The following ME1 variants were observed in gnomAD, a reference collection of about 807,000 sequenced individuals.
The protein encoded by ME1 is malic enzyme 1, also known as NADP-dependent malic enzyme.
ME1 carries 74 observed loss-of-function variants against 66.4 expected under a neutral mutation model. That is an observed-to-expected ratio of 1.11 (90% confidence interval 0.92 to 1.35). The LOEUF (loss-of-function observed/expected upper bound fraction) is 1.35. Ranked by LOEUF, ME1 falls within the 40% of genes most tolerant of loss-of-function variation. The pLI is 0.00. For synonymous variants in ME1, 251 were observed against 235.6 expected (o/e 1.07, Z -0.60); for missense variants, 750 against 694.1 (o/e 1.08, Z -0.90).
intron 5 of ME1, among the ~76,000 whole-genome samples, chr6:83,329,024 T>A (rs1321412255): frequency 6.6e-6 from 1 of 152,206 alleles, no homozygotes; most frequent in Non-Finnish European, 1.5e-5. Context: ...ATCTATTTAT[T>A]TGAAGTTAAT....
rs374032565 is a variant in ME1 at position 83,366,604 on chromosome 6, C to G, written c.363-14465G>C. 9.9e-5 allele frequency among the ~76,000 whole-genome samples: 15 copies of G among 152,198 alleles called. No individual in the cohort carries two copies. The East Asian group carries it at 1.2e-3, about 12-fold the overall frequency. On this transcript the variant is annotated intron_variant, in intron 3 of 13. Coordinates refer to ENST00000369705, the MANE Select transcript of ME1 (RefSeq NM_002395.6). ...TGGGTGAAACACTATGGCAAAAATC[C>G]TAGGATGAAGAACACTGAGGAGCTA...
At chr6:83,331,158 C>T (rs1381067936) in intron 5 of ME1, among the ~76,000 whole-genome samples, 1 of 152,140 alleles carries the variant, frequency 6.6e-6, no homozygotes, top group East Asian at 1.9e-4. Flanking sequence ...AAAGGTGTTG[C>T]CCCCAAATTC....
chr6:83,427,355 A>G (rs1292561428), intron 1 of ME1, among the ~76,000 whole-genome samples: 1 of 152,198 alleles, frequency 6.6e-6, no homozygotes, highest in Non-Finnish European at 1.5e-5. Flanking sequence ...TACCATATCT[A>G]CTGTTAACTT....
intron 4 of ME1, among the ~76,000 whole-genome samples, chr6:83,349,629 C>A (rs1390396319): frequency 3.3e-5 from 5 of 152,162 alleles, no homozygotes; most frequent in Non-Finnish European, 7.4e-5. Flanking sequence ...AAATGCAGAA[C>A]CTTTGCATCT....
chr6:83,306,928 T>G (rs977765554), intron 6 of ME1, among the ~76,000 whole-genome samples: 4 of 152,072 alleles, frequency 2.6e-5, no homozygotes, highest in Non-Finnish European at 5.9e-5. Flanking sequence ...ATTAAAGGAA[T>G]GGTGGAATTA....
chr6:83,293,110 G>A (rs1372073031), intron 6 of ME1, among the ~76,000 whole-genome samples: 3 of 152,224 alleles, frequency 2.0e-5, no homozygotes, highest in Non-Finnish European at 4.4e-5. Flanking sequence ...CAGGTGAGGC[G>A]ACACCCTGCC....
rs60624497 is a variant in ME1, at chr6:83,357,935, CTATATATATATATA to C, written c.363-5810_363-5797del. On this transcript the variant is annotated intron_variant, in intron 3 of 13. Transcript: ENST00000369705. ...TCTCTCTCTCTCTCTCTCTCTCTCTCTATATATATATATATATATATATATATATATATATATAT... is the reference window on the plus strand; with the variant it reads ...TCTCTCTCTCTCTCTCTCTCTCTCTCTATATATATATATATATATATATAT... 5.0e-4 allele frequency among the ~76,000 whole-genome samples: 15 copies of C among 30,038 alleles called. 1 individual carries two copies. Among genetic ancestry groups the C allele is most frequent in the East Asian group, 3.7e-3 (3 of 802 alleles). The allele number at this position is 30,038 out of a possible 152,430, so 19.7% of individuals were successfully genotyped here.
intron 1 of ME1, among the ~76,000 whole-genome samples, chr6:83,426,942 T>TA (rs1435636278): frequency 1.2e-4 from 19 of 152,308 alleles, no homozygotes; most frequent in African/African-American, 4.1e-4. Flanking sequence ...TAATTGAGAA[T>TA]AAAAAATAGG....
At chr6:83,288,687 T>C (rs912672662) in intron 6 of ME1, among the ~76,000 whole-genome samples, 10 of 152,180 alleles carry the variant, frequency 6.6e-5, no homozygotes, top group African/African-American at 2.4e-4. Flanking sequence ...TCTAATTCTG[T>C]GAAGAAAGTC....
At chr6:83,277,731 G>A (rs577549865) in intron 6 of ME1, among the ~76,000 whole-genome samples, 2 of 151,760 alleles carry the variant, frequency 1.3e-5, no homozygotes, top group South Asian at 2.1e-4. Flanking sequence ...GTGAAACCCC[G>A]TCACTACCAA....
At chr6:83,428,835 T>A (rs1233557073) in intron 1 of ME1, among the ~76,000 whole-genome samples, 2 of 152,194 alleles carry the variant, frequency 1.3e-5, no homozygotes, top group African/African-American at 4.8e-5. Context: ...ATTACAAATT[T>A]GAAAATGTGC....
At chr6:83,420,201 G>A (rs1435211391) in intron 1 of ME1, among the ~76,000 whole-genome samples, 2 of 151,870 alleles carry the variant, frequency 1.3e-5, no homozygotes, top group African/African-American at 2.4e-5. Flanking sequence ...CCAAGTAGCT[G>A]GGACTACAGG....
At chr6:83,383,859 T>C (rs1769453624) in intron 3 of ME1, among the ~76,000 whole-genome samples, 1 of 151,894 alleles carries the variant, frequency 6.6e-6, no homozygotes, top group African/African-American at 2.4e-5. Context: ...GTAGATAACA[T>C]TTAATTTGGA....
chr6:83,340,717 A>T (rs1474524806), intron 5 of ME1, among the ~76,000 whole-genome samples: 1 of 150,320 alleles, frequency 6.7e-6, no homozygotes, highest in Non-Finnish European at 1.5e-5. Context: ...TATCAAGGTT[A>T]TGCTCTTTTT....
intron 3 of ME1, among the ~76,000 whole-genome samples, chr6:83,357,650 T>C (rs1562489239): frequency 6.6e-6 from 1 of 151,902 alleles, no homozygotes. Flanking sequence ...GGACCCACCC[T>C]TAATCTGGGT....
intron 6 of ME1, among the ~76,000 whole-genome samples, chr6:83,292,077 G>A (rs757562473): frequency 6.6e-6 from 1 of 151,942 alleles, no homozygotes; most frequent in Non-Finnish European, 1.5e-5. Flanking sequence ...TGCTCCTTTA[G>A]CTCAGATAAG....
intron 3 of ME1, among the ~76,000 whole-genome samples, chr6:83,367,727 T>A (rs2096223): frequency 9.5e-4 from 144 of 152,164 alleles, no homozygotes; most frequent in Non-Finnish European, 1.8e-3. Context: ...AGGCTTTGGC[T>A]TAAAGGGAAT....
At chr6:83,279,020 C>A (rs995059088) in intron 6 of ME1, among the ~76,000 whole-genome samples, 1 of 152,240 alleles carries the variant, frequency 6.6e-6, no homozygotes, top group Non-Finnish European at 1.5e-5. Flanking sequence ...CCTATCACTG[C>A]CCCAACAGGG....
At chr6:83,271,785 TATAACTTC>T (rs1767086127) in intron 6 of ME1, among the ~76,000 whole-genome samples, 1 of 152,116 alleles carries the variant, frequency 6.6e-6, no homozygotes, top group African/African-American at 2.4e-5. Flanking sequence ...CATAGCAAGT[TATAACTTC>T]AAGTAAAAAT....
Sources: gnomAD v4.1 joint callset for allele counts (sites outside exome capture counted in the v4.1 genomes callset) on GRCh38, gnomAD v4.1.1 for gene constraint, MANE v1.5 for transcripts, NCBI Gene and HGNC (gene_info 2026-07-23, HGNC 2026-07-21) for gene names.